Variants in VGLL4 observed in about 807,000 individuals in gnomAD.
VGLL4 encodes transcription cofactor vestigial-like protein 4.
In VGLL4, 7 loss-of-function variants were observed where a neutral mutation model predicts 21.0. That is an observed-to-expected ratio of 0.33 (90% CI 0.19 to 0.63). The LOEUF is 0.63. Ranked by LOEUF, VGLL4 falls within the 20% of genes least tolerant of loss-of-function variation. VGLL4 has a pLI of 0.78. For synonymous variants in VGLL4, 222 were observed against 173.2 expected, an observed-to-expected ratio of 1.28 and a Z score of -2.21; for missense variants, 394 against 425.7, an observed-to-expected ratio of 0.93 and a Z score of 0.66.
upstream of VGLL4, among the ~76,000 whole-genome samples, chr3:11,648,702 GA>G (rs1370172886): frequency 6.6e-6 from 1 of 151,972 alleles, no homozygotes; most frequent in African/African-American, 2.4e-5. Context: ...AAGAACAAAG[GA>G]AAAAATTGAA....
chr3:11,560,918 G>C (rs1317655460), intron 3 of VGLL4, among the ~76,000 whole-genome samples: 1 of 152,196 alleles, frequency 6.6e-6, no homozygotes, highest in Non-Finnish European at 1.5e-5. Context: ...GACAGGCTCG[G>C]AAAGGGGGTT....
chr3:11,572,805 C>A (rs772688488), intron 2 of VGLL4, among the ~76,000 whole-genome samples: 65 of 152,174 alleles, frequency 4.3e-4, no homozygotes, highest in Non-Finnish European at 1.5e-4. Context: ...CATACGAATA[C>A]ACCACTGCAT....
At chr3:11,603,244 T>G (rs1559893438) in intron 1 of VGLL4, among the ~76,000 whole-genome samples, 1 of 152,208 alleles carries the variant, frequency 6.6e-6, no homozygotes, top group South Asian at 2.1e-4. Flanking sequence ...GCCAATTTAC[T>G]CAGCAAGATA....
intron 1 of VGLL4, among the ~76,000 whole-genome samples, chr3:11,615,012 CAT>C (rs1192618691): frequency 2.0e-5 from 3 of 152,186 alleles, no homozygotes; most frequent in African/African-American, 7.2e-5. Context: ...GTTTTAGCTA[CAT>C]GCATACACGT....
At chr3:11,650,718 AACACACACACAC>A (rs10539636) in intron 2 of VGLL4, among the ~76,000 whole-genome samples, 1 of 147,522 alleles carries the variant, frequency 6.8e-6, no homozygotes, top group African/African-American at 2.5e-5. Context: ...ACACATAGAA[AACACACACACAC>A]ACACACACAC....
At chr3:11,641,624 T>G (rs2075689330) in intron 1 of VGLL4, among the ~76,000 whole-genome samples, 1 of 152,234 alleles carries the variant, frequency 6.6e-6, no homozygotes, top group African/African-American at 2.4e-5. Flanking sequence ...CTGTATTTAT[T>G]CTGGTGTTAA....
intron 2 of VGLL4, among the ~76,000 whole-genome samples, chr3:11,660,959 A>G (rs2076028562): frequency 6.6e-6 from 1 of 152,204 alleles, no homozygotes. Context: ...CAGCAACAAA[A>G]GCAGCCCATG....
At chr3:11,648,728 G>A (rs2075828728), upstream of VGLL4, among the ~76,000 whole-genome samples, 1 of 152,162 alleles carries the variant, frequency 6.6e-6, no homozygotes, top group Non-Finnish European at 1.5e-5. Context: ...CACTTGATCT[G>A]AATAACATTT....
At chr3:11,595,069 G>A (rs1162746498) in intron 2 of VGLL4, among the ~76,000 whole-genome samples, 1 of 152,220 alleles carries the variant, frequency 6.6e-6, no homozygotes, top group African/African-American at 2.4e-5. Context: ...GCTGAGGCAG[G>A]AGAATCGCTG....
At chr3:11,708,589 T>C (rs865971897) in intron 1 of VGLL4, among the ~76,000 whole-genome samples, 12 of 152,202 alleles carry the variant, frequency 7.9e-5, no homozygotes, top group Admixed American at 3.9e-4. Flanking sequence ...AGTCCTGGAA[T>C]GGCCCGAAAA....
At chr3:11,714,220 C>T (rs2076888795) in intron 1 of VGLL4, among the ~76,000 whole-genome samples, 1 of 152,174 alleles carries the variant, frequency 6.6e-6, no homozygotes, top group Admixed American at 6.5e-5. Flanking sequence ...GATGCTGGTG[C>T]AAAATTCTTA....
chr3:11,644,132 C>G (rs572624148), upstream of VGLL4, among the ~76,000 whole-genome samples: 15 of 152,170 alleles, frequency 9.9e-5, no homozygotes, highest in East Asian at 2.5e-3. Flanking sequence ...GCTGCAAAAC[C>G]GTAGGAGGAA....
chr3:11,559,583 T>C (rs2072777919), intron 3 of VGLL4, 128 bp from the exon 4 acceptor site: 2 of 1,343,712 alleles, frequency 1.5e-6, no homozygotes, highest in Non-Finnish European at 2.0e-6. Flanking sequence ...CACCTCCCAC[T>C]TCAATACTGG....
chr3:11,681,157 G>A (rs868128513), intron 2 of VGLL4, among the ~76,000 whole-genome samples: 25 of 152,300 alleles, frequency 1.6e-4, no homozygotes, highest in Middle Eastern at 3.4e-3. Flanking sequence ...GAGTGCAGTG[G>A]CGCGATCTCC....
At chr3:11,710,926 C>T (rs1421727787) in intron 1 of VGLL4, among the ~76,000 whole-genome samples, 1 of 151,782 alleles carries the variant, frequency 6.6e-6, no homozygotes, top group Non-Finnish European at 1.5e-5. Context: ...ATGGTGAAAC[C>T]CCGTCTCTAC....
chr3:11,603,817 A>G (rs866990331), intron 1 of VGLL4, among the ~76,000 whole-genome samples: 84 of 152,286 alleles, frequency 5.5e-4, no homozygotes, highest in African/African-American at 1.9e-3. Flanking sequence ...GCTATGGAAA[A>G]CAACCACTAC....
intron 2 of VGLL4, among the ~76,000 whole-genome samples, chr3:11,592,918 T>C (rs1190924347): frequency 6.6e-6 from 1 of 152,180 alleles, no homozygotes; most frequent in African/African-American, 2.4e-5. Context: ...TAACAAGCCC[T>C]GGAAAAAAGC....
intron 2 of VGLL4, chr3:11,582,451 C>T: frequency 7.5e-7 from 1 of 1,339,738 alleles, no homozygotes; most frequent in Admixed American, 2.3e-5. Context: ...GGTAAGGGGC[C>T]TGCTTGCCCC....
chr3:11,602,110 T>C, intron 1 of VGLL4, 88 bp from the exon 2 acceptor site: 1 of 1,279,984 alleles, frequency 7.8e-7, no homozygotes, highest in African/African-American at 1.6e-5. Context: ...AGCCAGCCCC[T>C]TACAAAACTA....
Sources: allele counts gnomAD v4.1 joint callset (sites outside exome capture counted in the v4.1 genomes callset), GRCh38; gene constraint gnomAD v4.1.1; transcripts MANE v1.5; gene names NCBI Gene and HGNC (gene_info 2026-07-23, HGNC 2026-07-21).